Variants in MYO1D observed in about 807,000 individuals in gnomAD.
The protein encoded by MYO1D is unconventional myosin-Id.
In MYO1D, 83 loss-of-function variants were observed where a neutral mutation model predicts 122.0. The ratio of observed to expected loss-of-function variants is 0.68; its 90% CI spans 0.57 to 0.82. The LOEUF is 0.82. MYO1D is among the 40% of genes least tolerant of loss of function. The pLI, the probability that MYO1D is intolerant of heterozygous loss-of-function variation, is 0.00. For missense variants in MYO1D, 1,157 were observed against 1,269.5 expected (o/e 0.91, Z 1.35); for synonymous variants, 464 against 446.9 (o/e 1.04, Z -0.48).
intron 12 of MYO1D, among the ~76,000 whole-genome samples, chr17:32,746,320 C>CA (rs1204203589): frequency 6.6e-6 from 1 of 152,150 alleles, no homozygotes; most frequent in East Asian, 1.9e-4. Flanking sequence ...CTCTGTGCTA[C>CA]AAAAAAGGAT....
chr17:32,641,526 T>C (rs1235707724), intron 19 of MYO1D, among the ~76,000 whole-genome samples: 2 of 152,222 alleles, frequency 1.3e-5, no homozygotes, highest in Middle Eastern at 3.2e-3. Flanking sequence ...TCCACAATGG[T>C]TGAACTAGTT....
chr17:32,832,162 A>AT (rs1219775038), intron 1 of MYO1D, among the ~76,000 whole-genome samples: 2 of 151,770 alleles, frequency 1.3e-5, no homozygotes, highest in East Asian at 3.9e-4. Context: ...TGCCCAGGCA[A>AT]TGGTACAATC....
intron 1 of MYO1D, among the ~76,000 whole-genome samples, chr17:32,824,940 C>T (rs73283755): frequency 6.6e-6 from 1 of 151,900 alleles, no homozygotes; most frequent in Admixed American, 6.6e-5. Flanking sequence ...GAGTAGAATT[C>T]GTGGAGGAGA....
At chr17:32,577,714 T>C (rs1181054061) in intron 21 of MYO1D, among the ~76,000 whole-genome samples, 1 of 152,014 alleles carries the variant, frequency 6.6e-6, no homozygotes, top group Non-Finnish European at 1.5e-5. Flanking sequence ...CAGACAGAAC[T>C]TTCAAGATTC....
intron 21 of MYO1D, chr17:32,498,340 C>T (rs1239556735): frequency 1.3e-5 from 2 of 152,276 alleles, no homozygotes; most frequent in African/African-American, 4.8e-5. Context: ...TGAGATCTCT[C>T]CTGATCCCTT....
intron 16 of MYO1D, among the ~76,000 whole-genome samples, chr17:32,676,549 T>G (rs1909665056): frequency 6.6e-6 from 1 of 152,086 alleles, no homozygotes. Context: ...GAGAAAAACG[T>G]TCTCTCCTGT....
chr17:32,525,989 C>T, intron 21 of MYO1D, among the ~76,000 whole-genome samples: 1 of 152,196 alleles, frequency 6.6e-6, no homozygotes, highest in African/African-American at 2.4e-5. Context: ...CACGCTATTC[C>T]CCACCTGGAA....
intron 11 of MYO1D, among the ~76,000 whole-genome samples, chr17:32,750,588 C>A (rs529381099): frequency 6.6e-6 from 1 of 152,114 alleles, no homozygotes; most frequent in Non-Finnish European, 1.5e-5. Context: ...GCACTCCAGC[C>A]TGGGCGACAA....
chr17:32,529,421 T>C (rs1910444461), intron 21 of MYO1D, among the ~76,000 whole-genome samples: 1 of 152,148 alleles, frequency 6.6e-6, no homozygotes, highest in Non-Finnish European at 1.5e-5. Flanking sequence ...AGGACCTGTT[T>C]TGCAGTTGTA....
intron 1 of MYO1D, among the ~76,000 whole-genome samples, chr17:32,803,690 A>G (rs2090480348): frequency 6.6e-6 from 1 of 152,188 alleles, no homozygotes. Flanking sequence ...AAACAATGAA[A>G]AAATAATGAC....
At chr17:32,710,779 A>T (rs2089365813) in intron 16 of MYO1D, among the ~76,000 whole-genome samples, 1 of 152,364 alleles carries the variant, frequency 6.6e-6, no homozygotes, top group Non-Finnish European at 1.5e-5. Flanking sequence ...ATGAATAGAC[A>T]GTTTACAGGA....
chr17:32,817,253 T>C (rs2090620024), intron 1 of MYO1D, among the ~76,000 whole-genome samples: 1 of 152,164 alleles, frequency 6.6e-6, no homozygotes, highest in South Asian at 2.1e-4. Flanking sequence ...AAGAATACAT[T>C]AGCAATCTAC....
At chr17:32,521,337 C>T (rs1910131326) in intron 21 of MYO1D, among the ~76,000 whole-genome samples, 1 of 152,130 alleles carries the variant, frequency 6.6e-6, no homozygotes, top group Non-Finnish European at 1.5e-5. Flanking sequence ...TCTCATAGCA[C>T]TCATGAGTGC....
intron 21 of MYO1D, among the ~76,000 whole-genome samples, chr17:32,577,271 T>G (rs1167487163): frequency 6.7e-6 from 1 of 149,258 alleles, no homozygotes; most frequent in Non-Finnish European, 1.5e-5. Flanking sequence ...AAAAAAAGCA[T>G]GAGGTACCGT....
At chr17:32,743,564 C>T (rs2089796087) in intron 13 of MYO1D, among the ~76,000 whole-genome samples, 1 of 152,016 alleles carries the variant, frequency 6.6e-6, no homozygotes, top group South Asian at 2.1e-4. Context: ...TTTTCATTAT[C>T]TCCATCACTA....
intron 1 of MYO1D, among the ~76,000 whole-genome samples, chr17:32,856,927 C>T (rs2091031827): frequency 6.6e-6 from 1 of 152,190 alleles, no homozygotes; most frequent in South Asian, 2.1e-4. Flanking sequence ...ATACAGTCAT[C>T]CCCTCCCCCC....
chr17:32,564,588 G>A lies in MYO1D; in HGVS notation c.2864+40499C>T, dbSNP rs995959821. 2.6e-5 allele frequency among the ~76,000 whole-genome samples: 4 copies of A among 152,168 alleles called. No homozygotes were observed. In the South Asian group the frequency reaches 8.3e-4, roughly 32 times the overall value. On this transcript the variant is annotated intron_variant, in intron 21 of 21. Coordinates refer to ENST00000318217, the MANE Select transcript of MYO1D (RefSeq NM_015194.3). ...TAGTGTTTCCTGTGCTAGGTGCTAG[G>A]GATGAGTCAAATATATTTATGACAT...
intron 21 of MYO1D, among the ~76,000 whole-genome samples, chr17:32,585,860 A>AT: frequency 6.6e-6 from 1 of 152,304 alleles, no homozygotes; most frequent in East Asian, 1.9e-4. Context: ...TCAACATTCC[A>AT]TATTTTTTTG....
At chr17:32,756,622 T>C (rs2089950103) in intron 10 of MYO1D, among the ~76,000 whole-genome samples, 1 of 150,934 alleles carries the variant, frequency 6.6e-6, no homozygotes, top group Non-Finnish European at 1.5e-5. Context: ...TGACCCTGAA[T>C]GACTAAAATC....
Sources: gnomAD v4.1 joint callset for allele counts (sites outside exome capture counted in the v4.1 genomes callset) on GRCh38, gnomAD v4.1.1 for gene constraint, MANE v1.5 for transcripts, NCBI Gene and HGNC (gene_info 2026-07-23, HGNC 2026-07-21) for gene names.